NCKAP5L: variants seen among roughly 807,000 people sequenced by gnomAD.
NCKAP5L encodes the protein NCK associated protein 5 like, also known as nck-associated protein 5-like.
NCKAP5L carries 54 observed loss-of-function variants against 103.2 expected under a neutral mutation model. The observed-to-expected ratio is 0.52, with a 90% CI of 0.42 to 0.66. The LOEUF is 0.66. NCKAP5L is among the 30% of genes least tolerant of loss of function. The pLI is 0.00. For missense variants in NCKAP5L, 1,733 were observed against 1,750.6 expected, an observed-to-expected ratio of 0.99 and a Z score of 0.18; for synonymous variants, 762 against 748.6, an observed-to-expected ratio of 1.02 and a Z score of -0.29.
At position 49,798,454 on chromosome 12, in the gene NCKAP5L, T is replaced by C; in HGVS notation, c.361A>G (p.Thr121Ala). 6.3e-7 allele frequency: 1 copy of C among 1,575,626 alleles called. No homozygotes were observed. The highest frequency in any genetic ancestry group is 8.6e-7 in the Non-Finnish European group (1 of 1,160,650). The stretch of plus-strand genomic sequence containing the variant: ...GGCTCTGATGGTGGCTGGAGTGGAG[T>C]GAGTGGGATCTGCAGAGGGAGAGGC... The part of the protein sequence containing the change: ...TTGSLPQIPL[T>A]PLQPPSEPPA... Residue 121 changes from threonine to alanine, a missense_variant, in exon 7 of 13, where the codon ACT becomes GCT. Coordinates refer to ENST00000335999, the MANE Select transcript of NCKAP5L (RefSeq NM_001037806.4).
At chr12:49,802,827 G>T in intron 5 of NCKAP5L, 131 bp downstream of exon 5, 1 of 1,082,404 alleles carries the variant, frequency 9.2e-7, no homozygotes, top group Non-Finnish European at 1.3e-6. Flanking sequence ...AGAACAGAAT[G>T]GACCCGCCCA....
intron 1 of NCKAP5L, among the ~76,000 whole-genome samples, chr12:49,821,107 T>G (rs1170850979): frequency 6.6e-6 from 1 of 152,142 alleles, no homozygotes; most frequent in Non-Finnish European, 1.5e-5. Flanking sequence ...GATGCTGCCT[T>G]GCTCCTTCAA....
Position 49,797,142 on chromosome 12 carries a change from A to G in NCKAP5L, c.718T>C (p.Trp240Arg). Residue 240 changes from tryptophan to arginine, a missense_variant, in exon 8 of 13, where the codon TGG becomes CGG. Trp to Arg is a moderately radical substitution (Grantham distance 101). Coordinates refer to ENST00000335999, the MANE Select transcript of NCKAP5L (RefSeq NM_001037806.4). This position sits in a 1 kb window ranked among gnomAD's most constrained non-coding sequence, Gnocchi z 4.5. The stretch of plus-strand genomic sequence containing the variant: ...GGGCCTAGCAGCAGGCAGGGCGCCC[A>G]GGGTGAGGGTTCAGGCTGAGGCGGG... ...CGPPQPEPSPWAPCLLLGPGN... is the reference protein window; with the variant it reads ...CGPPQPEPSPRAPCLLLGPGN... 1.2e-6 allele frequency: 2 copies of G among 1,607,488 alleles called. No homozygotes were observed. The highest frequency in any genetic ancestry group is 1.7e-6 in the Non-Finnish European group (2 of 1,177,388).
In NCKAP5L at chr12:49,796,035, G is replaced by C; in HGVS notation, c.1825C>G (p.Leu609Val). 6.4e-7 allele frequency: 1 copy of C among 1,558,032 alleles called. No individual in the cohort carries two copies. Among genetic ancestry groups the C allele is most frequent in the Non-Finnish European group, 8.6e-7 (1 of 1,156,744 alleles). ...RSPGVPPSPC[L>V]PESYPYGSPQ... Reference sequence around the variant, plus strand: ...CTCCCATAGGGGTACGATTCTGGGAGGCAAGGACTGGGGGGTACTCCAGGG... The same window carrying C: ...CTCCCATAGGGGTACGATTCTGGGACGCAAGGACTGGGGGGTACTCCAGGG... Residue 609 changes from leucine (L) to valine (V), a missense_variant, in exon 8 of 13, where the codon CTC becomes GTC. By Grantham distance (32) the Leu-to-Val change is conservative. Coordinates refer to ENST00000335999, the MANE Select transcript of NCKAP5L (RefSeq NM_001037806.4).
intron 9 of NCKAP5L, 67 bp from the exon 10 acceptor site, chr12:49,793,500 G>A (rs1003888453): frequency 5.3e-6 from 8 of 1,518,838 alleles, no homozygotes; most frequent in Non-Finnish European, 6.4e-6. Context: ...CATGCCTCTA[G>A]AGGGTGGGAA....
intron 1 of NCKAP5L, among the ~76,000 whole-genome samples, chr12:49,825,435 G>A (rs756325824): frequency 6.6e-6 from 1 of 152,162 alleles, no homozygotes; most frequent in African/African-American, 2.4e-5. Context: ...GGTGACTCAG[G>A]CATGATGGGG....
At chr12:49,821,627 A>G (rs963310706) in intron 1 of NCKAP5L, among the ~76,000 whole-genome samples, 3 of 152,236 alleles carry the variant, frequency 2.0e-5, no homozygotes, top group African/African-American at 7.2e-5. Context: ...TCCTTGGAGC[A>G]CTTGCTCTTA....
chr12:49,817,959 T>C (rs1256376833), intron 1 of NCKAP5L, among the ~76,000 whole-genome samples: 1 of 152,080 alleles, frequency 6.6e-6, no homozygotes, highest in Non-Finnish European at 1.5e-5. Context: ...TGAAACCTCA[T>C]CTCTACTAAA....
rs1358767367 is a variant in NCKAP5L at position 49,796,595 on chromosome 12, C to G, written c.1265G>C (p.Gly422Ala). The change falls in exon 8 of 13, where the codon GGC (glycine) becomes GCC (alanine). Residue 422 changes from glycine to alanine, a missense_variant. Physicochemically the swap from Gly to Ala is moderately conservative, Grantham distance 60. Coordinates refer to ENST00000335999, the MANE Select transcript of NCKAP5L (RefSeq NM_001037806.4). ...CACCTGAGATGAGGAATGGGGGTGGCCAGGCCGAGAGCCCAGTGGGGCATC... is the reference window on the plus strand; with the variant it reads ...CACCTGAGATGAGGAATGGGGGTGGGCAGGCCGAGAGCCCAGTGGGGCATC... ...AGDAPLGSRP[G>A]HPHSSSQVKS... The G allele has an allele frequency of 6.2e-7, 1 of 1,602,026 alleles. No homozygotes were observed. Among genetic ancestry groups the G allele is most frequent in the Non-Finnish European group, 8.5e-7 (1 of 1,175,450 alleles).
intron 1 of NCKAP5L, among the ~76,000 whole-genome samples, chr12:49,826,692 G>C (rs141110165): frequency 1.6e-3 from 246 of 152,300 alleles, no homozygotes; most frequent in African/African-American, 5.6e-3. Flanking sequence ...GCCCCAGAGA[G>C]CAAACTGTCT....
Position 49,796,551 on chromosome 12 carries a change from C to A in NCKAP5L, c.1309G>T (p.Gly437Cys). ...TGAGCTTCCCCAGGAGAAGGGGGGCCAATTTGGAGCTTGCTTTTCACCTGA... is the reference window on the plus strand; with the variant it reads ...TGAGCTTCCCCAGGAGAAGGGGGGCAAATTTGGAGCTTGCTTTTCACCTGA... ...SSQVKSKLQI[G>C]PPSPGEAQGP... The change falls in exon 8 of 13, where the codon GGC becomes TGC. Residue 437 changes from glycine to cysteine, a missense_variant. Physicochemically the swap from Gly to Cys is radical, Grantham distance 159. Transcript: ENST00000335999. The A allele has an allele frequency of 6.3e-7, 1 of 1,591,248 alleles. No homozygotes were observed. The highest frequency in any genetic ancestry group is 8.5e-7 in the Non-Finnish European group (1 of 1,170,710).
chr12:49,810,013 T>C (rs1946222158), intron 1 of NCKAP5L, among the ~76,000 whole-genome samples: 1 of 152,006 alleles, frequency 6.6e-6, no homozygotes, highest in African/African-American at 2.4e-5. Context: ...CCAAACCAGC[T>C]GCAGGATAGG....
intron 1 of NCKAP5L, among the ~76,000 whole-genome samples, chr12:49,823,970 G>C (rs1057009758): frequency 2.2e-4 from 34 of 152,190 alleles, no homozygotes; most frequent in Non-Finnish European, 4.7e-4. Flanking sequence ...CACAGGCGCC[G>C]AGGGCTGCTG....
intron 1 of NCKAP5L, among the ~76,000 whole-genome samples, chr12:49,824,814 G>T (rs1946398902): frequency 6.6e-6 from 1 of 152,208 alleles, no homozygotes; most frequent in African/African-American, 2.4e-5. Flanking sequence ...CCAGGTCAGT[G>T]TCTGGGGGAA....
At chr12:49,826,260 A>G (rs1198052325) in intron 1 of NCKAP5L, among the ~76,000 whole-genome samples, 1 of 152,128 alleles carries the variant, frequency 6.6e-6, no homozygotes, top group African/African-American at 2.4e-5. Flanking sequence ...ACAAGTCCCA[A>G]CAGCTGAGAC....
At chr12:49,820,239 C>A (rs943483322) in intron 1 of NCKAP5L, among the ~76,000 whole-genome samples, 2 of 151,980 alleles carry the variant, frequency 1.3e-5, no homozygotes, top group African/African-American at 4.8e-5. Context: ...GGAGGCTGCA[C>A]CTGCACGGGG....
At chr12:49,809,075 C>T (rs1393058392) in intron 1 of NCKAP5L, among the ~76,000 whole-genome samples, 2 of 151,990 alleles carry the variant, frequency 1.3e-5, no homozygotes, top group Non-Finnish European at 2.9e-5. Context: ...CAGCCAGGGC[C>T]GAGGAAGGAG....
rs1170450465 is a variant in NCKAP5L at position 49,803,001 on chromosome 12, G to C, written c.193-5C>G. ...CTGTACCACATGGTTGGCAACCTGG[G>C]GACAGAAAGCCCCGAGGCAGAGCCA... On this transcript the variant is annotated splice_region_variant and splice_polypyrimidine_tract_variant and intron_variant, in intron 4 of 12. Transcript: ENST00000335999. The C allele has an allele frequency of 1.2e-6, 2 of 1,614,230 alleles. No homozygotes were observed. The highest frequency in any genetic ancestry group is 1.1e-5 in the South Asian group (1 of 91,086).
At chr12:49,825,923 G>A (rs1052192702) in intron 1 of NCKAP5L, among the ~76,000 whole-genome samples, 1 of 152,162 alleles carries the variant, frequency 6.6e-6, no homozygotes, top group Non-Finnish European at 1.5e-5. Context: ...TGGCTCTTGG[G>A]CTGGAAAGCA....
Sources: allele counts gnomAD v4.1 joint callset (sites outside exome capture counted in the v4.1 genomes callset), GRCh38; gene constraint gnomAD v4.1.1; non-coding constraint Gnocchi (gnomAD v3.1); transcripts MANE v1.5; gene names NCBI Gene and HGNC (gene_info 2026-07-23, HGNC 2026-07-21).